SYMPK: variants seen among roughly 807,000 people sequenced by gnomAD.
The protein encoded by SYMPK is symplekin.
A neutral mutation model predicts 136.4 loss-of-function variants in SYMPK; 49 were observed. The observed-to-expected ratio is 0.36, with a 90% CI of 0.29 to 0.46. The LOEUF (loss-of-function observed/expected upper bound fraction) is 0.46, where lower values mean the gene tolerates loss of function less well. SYMPK is among the 20% of genes least tolerant of loss of function. The pLI is 1.00. For synonymous variants in SYMPK, 766 were observed against 713.0 expected (o/e 1.07, Z -1.19); for missense variants, 1,365 against 1,690.0 (o/e 0.81, Z 3.37).
At position 45,815,422 on chromosome 19, in the gene SYMPK, CT is replaced by C. The variant is rs199630042; in HGVS notation, c.*137del. The C allele has an allele frequency of 2.4e-3, 1,559 of 661,076 alleles. No homozygotes were observed. The highest frequency in any genetic ancestry group is 3.8e-3 in the South Asian group (133 of 34,824). 41.0% of individuals were successfully genotyped at this position (661,076 alleles called of 1,614,324 possible). A position where few individuals can be genotyped will look rare whatever the true frequency, so the allele number is the denominator to read the frequency against. On this transcript the variant is annotated 3_prime_UTR_variant, in exon 27 of 27. Coordinates refer to ENST00000245934, the MANE Select transcript of SYMPK (RefSeq NM_004819.3). ...CACCCGCGCCCCAGGCCCGCCATCC[CT>C]TTTTTTTTTTCTTTTCAGTAACTTG...
At chr19:45,845,994 T>C (rs1042070611) in intron 7 of SYMPK, among the ~76,000 whole-genome samples, 4 of 152,170 alleles carry the variant, frequency 2.6e-5, no homozygotes, top group Non-Finnish European at 4.4e-5. Context: ...CCCAGCACTT[T>C]GGGAGGCCGA....
chr19:45,854,689 C>T (rs980173919), intron 1 of SYMPK, 182 bp from the exon 2 acceptor site: 44 of 580,924 alleles, frequency 7.6e-5, no homozygotes, highest in Admixed American at 1.2e-4. Context: ...GATATGTGCA[C>T]GGGGCCTGTA....
At position 45,829,957 on chromosome 19, in the gene SYMPK, G is replaced by A. The variant is rs552369807; in HGVS notation, c.1749+97C>T. The stretch of plus-strand genomic sequence containing the variant: ...CAGCAGAGCTGGGGTCCGCAGCCAG[G>A]GAGGTTTGACGCCAGGGCCAGACTC... On this transcript the variant is annotated intron_variant, in intron 13 of 26. Transcript: ENST00000245934. 1.9e-5 allele frequency: 26 copies of A among 1,392,626 alleles called. No homozygotes were observed. The Middle Eastern group carries it at 1.5e-3, about 82-fold the overall frequency. 86.3% of individuals were successfully genotyped at this position (1,392,626 alleles called of 1,614,324 possible).
rs780848919 is a variant in SYMPK, at chr19:45,829,199, T to G, written c.1756A>C (p.Ile586Leu). The G allele has an allele frequency of 3.0e-5, 49 of 1,613,038 alleles. No individual in the cohort carries two copies. The highest frequency in any genetic ancestry group is 4.2e-5 in the Non-Finnish European group (49 of 1,179,158). The change falls in exon 14 of 27, where the codon ATA (isoleucine) becomes CTA (leucine). Residue 586 changes from isoleucine to leucine, a missense_variant. By Grantham distance (5) the Ile-to-Leu change is conservative. Coordinates refer to ENST00000245934, the MANE Select transcript of SYMPK (RefSeq NM_004819.3). ...GTCACCAGGCTGGCCAGGATCTTTA[T>G]GCGGACCTGGTGGGAGGGTGAGCCA... Reference protein sequence around the residue: ...VACSGAAQVRIKILASLVTQF... With the variant: ...VACSGAAQVRLKILASLVTQF...
At chr19:45,816,762 T>C in intron 24 of SYMPK, 36 bp downstream of exon 24, 1 of 1,485,094 alleles carries the variant, frequency 6.7e-7, no homozygotes. Context: ...ACACCCTGGG[T>C]GGGGGGAAAG....
At chr19:45,850,178 G>A (rs1296364310) in intron 5 of SYMPK, among the ~76,000 whole-genome samples, 1 of 152,190 alleles carries the variant, frequency 6.6e-6, no homozygotes, top group Non-Finnish European at 1.5e-5. Flanking sequence ...TCAGGAGGCA[G>A]AGGTTGTAGT....
intron 21 of SYMPK, 53 bp downstream of exon 21, chr19:45,822,703 C>T: frequency 6.5e-7 from 1 of 1,543,004 alleles, no homozygotes; most frequent in Non-Finnish European, 8.9e-7. Context: ...GCCTTCTGCC[C>T]CAGCACCTGG....
At chr19:45,841,716 C>T (rs1293708661) in intron 9 of SYMPK, among the ~76,000 whole-genome samples, 1 of 152,026 alleles carries the variant, frequency 6.6e-6, no homozygotes, top group Non-Finnish European at 1.5e-5. Context: ...ATAAATAATA[C>T]AACCACTAGA....
At position 45,857,180 on chromosome 19, in the gene SYMPK, G is replaced by A. The variant is rs1180927428; in HGVS notation, c.-12-2673C>T. Among the ~76,000 whole-genome samples, 7 of 151,580 alleles carry A rather than the reference G, an allele frequency of 4.6e-5. No homozygotes were observed. The South Asian group carries it at 1.0e-3, about 23-fold the overall frequency. ...TCCCAGCACTTTGGGAGGCCAAGGC[G>A]GACGGATCACGGAGGTCAGGAGATC... On this transcript the variant is annotated intron_variant, in intron 1 of 26. Coordinates refer to ENST00000245934, the MANE Select transcript of SYMPK (RefSeq NM_004819.3).
chr19:45,842,212 G>A, intron 9 of SYMPK, 38 bp downstream of exon 9: 2 of 1,611,996 alleles, frequency 1.2e-6, no homozygotes, highest in Admixed American at 1.7e-5. Context: ...AAACATTTCA[G>A]CATGGTCTGC....
Position 45,815,913 on chromosome 19 carries a change from C to T in SYMPK, c.3625G>A (p.Asp1209Asn). 6.2e-7 allele frequency: 1 copy of T among 1,612,366 alleles called. No individual in the cohort carries two copies. Among genetic ancestry groups the T allele is most frequent in the Non-Finnish European group, 8.5e-7 (1 of 1,179,900 alleles). ...ETPGIFISMD[D>N]DSGLTEAALL... ...GCGGCCTCGGTCAGCCCCGAGTCGT[C>T]ATCCATGCTGATGAAGATGCCCGGG... Residue 1209 changes from aspartate to asparagine, a missense_variant, in exon 26 of 27, where the codon GAC becomes AAC. This residue lies in a region of SYMPK where 341 missense variants were observed against 270.5 expected (regional missense o/e 1.26). Transcript: ENST00000245934.
chr19:45,832,333 G>T (rs578214775), intron 11 of SYMPK, among the ~76,000 whole-genome samples: 1 of 151,746 alleles, frequency 6.6e-6, no homozygotes, highest in African/African-American at 2.4e-5. Context: ...GTAGAGACGG[G>T]GTTTCACCAC....
chr19:45,836,582 G>C (rs1178420665), intron 10 of SYMPK, among the ~76,000 whole-genome samples: 1 of 151,612 alleles, frequency 6.6e-6, no homozygotes, highest in Non-Finnish European at 1.5e-5. Flanking sequence ...AGTGAGCTGA[G>C]ACTGCGCCAC....
Position 45,830,156 on chromosome 19 carries a change from C to T in SYMPK, c.1647G>A (p.Val549=), listed in dbSNP as rs1281797508. ...GRKKIFRLSD[V]LKPLTDAQVE... ...CCTGGGCATCGGTAAGGGGCTTCAG[C>T]ACGTCGCTGAGACGGAAAATTTTCT... The change falls in exon 13 of 27, where the codon GTG becomes GTA. Residue 549 remains valine (V), a synonymous_variant. Coordinates refer to ENST00000245934, the MANE Select transcript of SYMPK (RefSeq NM_004819.3). 6.2e-7 allele frequency: 1 copy of T among 1,607,322 alleles called. No individual in the cohort carries two copies. Among genetic ancestry groups the T allele is most frequent in the African/African-American group, 1.3e-5 (1 of 74,794 alleles).
At chr19:45,841,789 A>G (rs1971444521) in intron 9 of SYMPK, among the ~76,000 whole-genome samples, 1 of 152,060 alleles carries the variant, frequency 6.6e-6, no homozygotes, top group African/African-American at 2.4e-5. Context: ...AGAGCTCCAC[A>G]CTCTACATAA....
rs146962920 is a variant in SYMPK at position 45,824,787 on chromosome 19, C to T, written c.2490+384G>A. ...TTATGTAATGACAGCTAAAGAGTCC[C>T]GTTAGCAACACTGGGAAGGCCAGCT... On this transcript the variant is annotated intron_variant, in intron 18 of 26. Transcript: ENST00000245934. 2.7e-3 allele frequency among the ~76,000 whole-genome samples: 406 copies of T among 152,246 alleles called. 2 individuals carry two copies. The highest frequency in any genetic ancestry group is 9.4e-3 in the African/African-American group (390 of 41,536).
intron 17 of SYMPK, 148 bp from the exon 18 acceptor site, chr19:45,825,479 A>T: frequency 1.0e-6 from 1 of 1,000,724 alleles, no homozygotes; most frequent in East Asian, 2.7e-5. Flanking sequence ...GGGCAGGGAA[A>T]TGGCGGGGAC....
chr19:45,815,762 G>A, intron 26 of SYMPK, 65 bp from the exon 27 acceptor site: 1 of 1,593,042 alleles, frequency 6.3e-7, no homozygotes, highest in Non-Finnish European at 8.5e-7. Context: ...CTCCCCTTCA[G>A]GCCCTGCCCC....
At chr19:45,845,017 G>A (rs1382326730) in intron 7 of SYMPK, among the ~76,000 whole-genome samples, 3 of 152,014 alleles carry the variant, frequency 2.0e-5, no homozygotes, top group Non-Finnish European at 2.9e-5. Context: ...GCATTTATCC[G>A]TTTTGTTACA....
Sources: gnomAD v4.1 joint callset for allele counts (sites outside exome capture counted in the v4.1 genomes callset) on GRCh38, gnomAD v4.1.1 for gene constraint, gnomAD v4.1.1 regional missense constraint, MANE v1.5 for transcripts, NCBI Gene and HGNC (gene_info 2026-07-23, HGNC 2026-07-21) for gene names.